Variants in PTPRT observed in about 807,000 individuals in gnomAD.
The protein encoded by PTPRT is receptor-type tyrosine-protein phosphatase T.
Under a neutral mutation model 176.8 loss-of-function variants are expected in PTPRT, and 56 were observed. The ratio of observed to expected loss-of-function variants is 0.32; its 90% CI spans 0.26 to 0.40. The LOEUF is 0.40. Ranked by LOEUF, PTPRT falls within the 10% of genes least tolerant of loss-of-function variation. The pLI is 1.00. For missense variants in PTPRT, 1,540 were observed against 1,908.2 expected (o/e 0.81, Z 3.60); for synonymous variants, 783 against 739.0 (o/e 1.06, Z -0.96).
intron 1 of PTPRT, among the ~76,000 whole-genome samples, chr20:43,034,541 A>C (rs1296954861): frequency 7.8e-6 from 1 of 128,586 alleles, no homozygotes; most frequent in African/African-American, 4.0e-5. Flanking sequence ...TGTCTTCACT[A>C]ATTAAAAAAA....
chr20:42,058,651 G>T, the PTPRT span, among the ~76,000 whole-genome samples: 2 of 152,262 alleles, frequency 1.3e-5, no homozygotes, highest in East Asian at 1.9e-4. Flanking sequence ...AAAATGAAAA[G>T]ACTTAGTTCC....
At chr20:42,101,378 A>T (rs1009668814) in intron 26 of PTPRT, among the ~76,000 whole-genome samples, 2 of 152,168 alleles carry the variant, frequency 1.3e-5, no homozygotes, top group Admixed American at 1.3e-4. Context: ...TAGATGGTCC[A>T]TAGTTCCTTC....
At chr20:42,042,685 A>G in the PTPRT span, among the ~76,000 whole-genome samples, 5,837 of 152,300 alleles carry the variant, frequency 0.038, 181 homozygotes, top group Middle Eastern at 0.068. Flanking sequence ...ACACAAAAAT[A>G]AGGCTACTGC....
chr20:42,606,733 C>G (rs2073883945), intron 7 of PTPRT: 1 of 152,198 alleles, frequency 6.6e-6, no homozygotes, highest in South Asian at 2.1e-4. Context: ...ATTTGCTCTA[C>G]ATGGTCATTT....
chr20:42,225,469 G>A (rs561866338), intron 15 of PTPRT, among the ~76,000 whole-genome samples: 103 of 152,226 alleles, frequency 6.8e-4, no homozygotes, highest in African/African-American at 2.4e-3. Context: ...AGTATAAATA[G>A]GATTCAAACT....
At chr20:42,871,123 G>A (rs575539273) in intron 2 of PTPRT, among the ~76,000 whole-genome samples, 1 of 151,670 alleles carries the variant, frequency 6.6e-6, no homozygotes, top group African/African-American at 2.4e-5. Context: ...ACTAATTTTT[G>A]TATTTTTTGT....
At chr20:42,404,972 T>TTTTATATATATATATATATATA (rs960312629) in intron 9 of PTPRT, among the ~76,000 whole-genome samples, 7,179 of 76,820 alleles carry the variant, frequency 0.093, 604 homozygotes, top group East Asian at 0.14. Flanking sequence ...GGCCAATTAA[T>TTTTATATATATATATATATATA]TATATATATA....
chr20:42,432,491 T>G (rs140189940), intron 9 of PTPRT, among the ~76,000 whole-genome samples: 1 of 152,332 alleles, frequency 6.6e-6, no homozygotes, highest in African/African-American at 2.4e-5. Flanking sequence ...ACCGGAATTC[T>G]TGGCCATGGG....
At chr20:42,834,607 T>C (rs1403503823) in intron 2 of PTPRT, among the ~76,000 whole-genome samples, 1 of 152,154 alleles carries the variant, frequency 6.6e-6, no homozygotes. Flanking sequence ...TCCGAAACAA[T>C]GCAAATGTTA....
chr20:42,892,912 G>A (rs572202146), intron 1 of PTPRT, among the ~76,000 whole-genome samples: 79 of 152,276 alleles, frequency 5.2e-4, no homozygotes, highest in African/African-American at 9.9e-4. Context: ...CTCCATTCAC[G>A]TAGAGGAGCC....
chr20:42,577,084 A>C (rs2073274562), intron 7 of PTPRT, among the ~76,000 whole-genome samples: 1 of 152,228 alleles, frequency 6.6e-6, no homozygotes, highest in African/African-American at 2.4e-5. Context: ...AAGTAGACTT[A>C]ACAAGCTGAA....
chr20:42,546,053 C>T (rs2064677), intron 7 of PTPRT, among the ~76,000 whole-genome samples: 16,600 of 152,036 alleles, frequency 0.11, 1,011 homozygotes, highest in East Asian at 0.21. Context: ...GGTAAACATT[C>T]CTGGTGTATT....
At chr20:42,708,007 G>A (rs186644964) in intron 6 of PTPRT, among the ~76,000 whole-genome samples, 1 of 152,230 alleles carries the variant, frequency 6.6e-6, no homozygotes, top group Non-Finnish European at 1.5e-5. Flanking sequence ...ACCAATACAG[G>A]TAGGTACATT....
chr20:42,454,579 C>G lies in PTPRT; in HGVS notation c.1451-6250G>C, dbSNP rs541464314. ...TCATTAAGGTTTTACATGCTTTTAC[C>G]TATTTACTAGCATCTTTTAATGTTT... is the stretch of plus-strand genomic sequence containing the variant. On this transcript the variant is annotated intron_variant, in intron 8 of 30. Coordinates refer to ENST00000373187, the MANE Select transcript of PTPRT (RefSeq NM_007050.6). 4.1e-4 allele frequency among the ~76,000 whole-genome samples: 63 copies of G among 152,234 alleles called. 1 individual carries two copies. In the South Asian group the frequency reaches 0.011, roughly 28 times the overall value.
intron 7 of PTPRT, among the ~76,000 whole-genome samples, chr20:42,595,922 G>A (rs722556): frequency 0.3 from 45,882 of 152,014 alleles, 7,279 homozygotes; most frequent in Middle Eastern, 0.37. Flanking sequence ...TTTTCTTTGA[G>A]CAAATACCCC....
intron 1 of PTPRT, among the ~76,000 whole-genome samples, chr20:43,156,120 T>C (rs1600755960): frequency 1.3e-5 from 2 of 152,198 alleles, no homozygotes; most frequent in East Asian, 3.9e-4. Context: ...GTCCTTGTGC[T>C]GGGAGGAACC....
At chr20:42,191,210 G>A (rs1267480097) in intron 16 of PTPRT, among the ~76,000 whole-genome samples, 1 of 151,296 alleles carries the variant, frequency 6.6e-6, no homozygotes, top group Non-Finnish European at 1.5e-5. Flanking sequence ...GGCTTGGCAA[G>A]CAGGGTCAAA....
chr20:42,723,592 G>C (rs984300730), intron 6 of PTPRT, among the ~76,000 whole-genome samples: 1 of 152,150 alleles, frequency 6.6e-6, no homozygotes, highest in African/African-American at 2.4e-5. Flanking sequence ...CAGATCCTCA[G>C]GGCCTGCATA....
In PTPRT at chr20:43,039,853, C is replaced by A. The variant is rs547396582; in HGVS notation, c.88+149793G>T. 2.0e-5 allele frequency among the ~76,000 whole-genome samples: 3 copies of A among 152,192 alleles called. No homozygotes were observed. The East Asian group carries it at 5.8e-4, about 29-fold the overall frequency. On this transcript the variant is annotated intron_variant, in intron 1 of 30. Coordinates refer to ENST00000373187, the MANE Select transcript of PTPRT (RefSeq NM_007050.6). ...CTCAAGAGTTCTAGACCAGCCTGGGCAGTATGACAAAACCCTATCTCTACA... is the reference window on the plus strand; with the variant it reads ...CTCAAGAGTTCTAGACCAGCCTGGGAAGTATGACAAAACCCTATCTCTACA...
Sources: allele counts gnomAD v4.1 joint callset (sites outside exome capture counted in the v4.1 genomes callset), GRCh38; gene constraint gnomAD v4.1.1; transcripts MANE v1.5; gene names NCBI Gene and HGNC (gene_info 2026-07-23, HGNC 2026-07-21).